Variants in PAK5 observed in about 807,000 individuals in gnomAD.
PAK5 encodes p21 (RAC1) activated kinase 5.
In PAK5, 16 loss-of-function variants were observed where a neutral mutation model predicts 65.9. The ratio of observed to expected loss-of-function variants is 0.24; its 90% CI spans 0.16 to 0.37. The LOEUF is 0.37. Among genes scored for constraint, PAK5 ranks in the 10% least tolerant of loss-of-function variants. The probability of loss-of-function intolerance (pLI) is 1.00; values close to 1 mark genes in which losing one functional copy is unlikely to be tolerated. For synonymous variants in PAK5, 371 were observed against 354.9 expected (o/e 1.05, Z -0.51); for missense variants, 785 against 903.9 (o/e 0.87, Z 1.69).
At chr20:9,837,587 A>G (rs1979248756) in intron 1 of PAK5, among the ~76,000 whole-genome samples, 1 of 152,232 alleles carries the variant, frequency 6.6e-6, no homozygotes, top group African/African-American at 2.4e-5. Context: ...TGTCAATTTC[A>G]TAGAATTCTA....
chr20:9,576,828 C>T (rs2045892998), intron 4 of PAK5, among the ~76,000 whole-genome samples: 2 of 152,206 alleles, frequency 1.3e-5, no homozygotes, highest in African/African-American at 2.4e-5. Context: ...GTCAAGAATT[C>T]TTGCCTTACA....
At chr20:9,793,217 T>C (rs2123720939) in intron 1 of PAK5, among the ~76,000 whole-genome samples, 1 of 152,300 alleles carries the variant, frequency 6.6e-6, no homozygotes, top group South Asian at 2.1e-4. Flanking sequence ...GATACTGTGC[T>C]AACTTCCTGG....
chr20:9,706,658 C>CTT (rs60683209), intron 2 of PAK5, among the ~76,000 whole-genome samples: 3 of 141,506 alleles, frequency 2.1e-5, no homozygotes, highest in East Asian at 2.1e-4. Flanking sequence ...TTTGTTTTTT[C>CTT]TTTTTTTTTT....
At chr20:9,674,406 G>C (rs2047540644) in intron 2 of PAK5, among the ~76,000 whole-genome samples, 1 of 152,166 alleles carries the variant, frequency 6.6e-6, no homozygotes, top group Non-Finnish European at 1.5e-5. Context: ...TGTACTTGGG[G>C]ATCAATACTA....
At chr20:9,641,766 G>A (rs1401870754) in intron 3 of PAK5, among the ~76,000 whole-genome samples, 7 of 152,240 alleles carry the variant, frequency 4.6e-5, no homozygotes, top group South Asian at 2.1e-4. Flanking sequence ...GCGAGAAATC[G>A]AGCACAGCGC....
chr20:9,710,034 A>G (rs1390222837), intron 2 of PAK5, among the ~76,000 whole-genome samples: 2 of 152,228 alleles, frequency 1.3e-5, no homozygotes, highest in African/African-American at 4.8e-5. Flanking sequence ...ATTGGATTTT[A>G]ATTTTCCCTT....
At position 9,835,326 on chromosome 20, in the gene PAK5, C is replaced by T. The variant is rs56668212; in HGVS notation, c.-162+3436G>A. Among the ~76,000 whole-genome samples, 1,203 of 152,086 alleles carry T rather than the reference C, an allele frequency of 7.9e-3. 20 individuals are homozygous for T. Among genetic ancestry groups the T allele is most frequent in the African/African-American group, 0.028 (1,150 of 41,466 alleles). On this transcript the variant is annotated intron_variant, in intron 1 of 9. Transcript: ENST00000353224. ...TGAAAGGATGATGAGAGAGTTGGGT[C>T]GGTGGGGAAGAGAGATCAAGGAAGC...
chr20:9,740,478 T>G (rs2048439444), intron 1 of PAK5, among the ~76,000 whole-genome samples: 3 of 152,196 alleles, frequency 2.0e-5, no homozygotes, highest in Admixed American at 2.0e-4. Context: ...CATGTAACAT[T>G]GCAGTGGCTC....
At chr20:9,647,422 A>T (rs1489569928) in intron 2 of PAK5, among the ~76,000 whole-genome samples, 2 of 152,246 alleles carry the variant, frequency 1.3e-5, no homozygotes, top group African/African-American at 2.4e-5. Flanking sequence ...TTTCAGAAAC[A>T]TCATTTGAGA....
intron 2 of PAK5, among the ~76,000 whole-genome samples, chr20:9,670,955 G>A (rs138093343): frequency 0.051 from 7,748 of 152,226 alleles, 218 homozygotes; most frequent in South Asian, 0.083. Flanking sequence ...TTTGTATAAG[G>A]TGTAAGGAAG....
chr20:9,670,191 T>C (rs947480642), intron 2 of PAK5, among the ~76,000 whole-genome samples: 8 of 152,180 alleles, frequency 5.3e-5, no homozygotes, highest in African/African-American at 1.7e-4. Context: ...TTTGGGTAGG[T>C]TCCAAGTCTT....
chr20:9,678,205 C>T (rs2047601182), intron 2 of PAK5, among the ~76,000 whole-genome samples: 2 of 152,134 alleles, frequency 1.3e-5, no homozygotes, highest in African/African-American at 4.8e-5. Context: ...GAAATTGTGC[C>T]CTTCGAGAAT....
At chr20:9,595,462 T>C (rs549813104) in intron 3 of PAK5, among the ~76,000 whole-genome samples, 8 of 152,314 alleles carry the variant, frequency 5.3e-5, no homozygotes, top group Admixed American at 3.9e-4. Context: ...AGAGAGATGA[T>C]CCACTTCTTT....
intron 2 of PAK5, among the ~76,000 whole-genome samples, chr20:9,648,078 T>C (rs2123288076): frequency 6.6e-6 from 1 of 152,302 alleles, no homozygotes; most frequent in South Asian, 2.1e-4. Flanking sequence ...CATCCCACAT[T>C]CATGGTAGCC....
In PAK5 at chr20:9,683,910, G is replaced by C. The variant is rs145919272; in HGVS notation, c.-12+27376C>G. On this transcript the variant is annotated intron_variant, in intron 2 of 9. Coordinates refer to ENST00000353224, the MANE Select transcript of PAK5 (RefSeq NM_177990.4). Reference sequence around the variant, plus strand: ...AAATATGAATGTAGTGCATTTACTTGACTTCTTGGAATGGTCCAGAAAATT... The same window carrying C: ...AAATATGAATGTAGTGCATTTACTTCACTTCTTGGAATGGTCCAGAAAATT... Among the ~76,000 whole-genome samples, 35 of 152,212 alleles carry C rather than the reference G, an allele frequency of 2.3e-4. No homozygotes were observed. The East Asian group carries it at 6.2e-3, about 27-fold the overall frequency.
At position 9,782,392 on chromosome 20, in the gene PAK5, A is replaced by T. The variant is rs555383237; in HGVS notation, c.-162+56370T>A. ...TAAGAGCTTATTACCTACAAAAATAATACTCTTCACTGGATCCAATAAGCC... is the reference window on the plus strand; with the variant it reads ...TAAGAGCTTATTACCTACAAAAATATTACTCTTCACTGGATCCAATAAGCC... On this transcript the variant is annotated intron_variant, in intron 1 of 9. Transcript: ENST00000353224. Among the ~76,000 whole-genome samples the T allele has an allele frequency of 2.0e-5, 3 of 152,336 alleles. No homozygotes were observed. In the South Asian group the frequency reaches 6.2e-4, roughly 32 times the overall value.
At chr20:9,717,008 C>T (rs1235950435) in intron 1 of PAK5, among the ~76,000 whole-genome samples, 1 of 151,388 alleles carries the variant, frequency 6.6e-6, no homozygotes, top group Non-Finnish European at 1.5e-5. Context: ...TGGCTTGAAC[C>T]TGGGAGGTAG....
chr20:9,828,827 C>T (rs572993815), intron 1 of PAK5, among the ~76,000 whole-genome samples: 1 of 151,658 alleles, frequency 6.6e-6, no homozygotes, highest in Admixed American at 6.6e-5. Flanking sequence ...GTGGGAGTTT[C>T]TCTCTCTCTC....
intron 2 of PAK5, among the ~76,000 whole-genome samples, chr20:9,660,739 C>G (rs2047334188): frequency 6.6e-6 from 1 of 152,022 alleles, no homozygotes; most frequent in Non-Finnish European, 1.5e-5. Context: ...TAGTAAGAGT[C>G]AACAGCAAGT....
Sources: allele counts gnomAD v4.1 joint callset (sites outside exome capture counted in the v4.1 genomes callset), GRCh38; gene constraint gnomAD v4.1.1; transcripts MANE v1.5; gene names NCBI Gene and HGNC (gene_info 2026-07-23, HGNC 2026-07-21).